Variants in SNTG1 observed in about 807,000 individuals in gnomAD.
The protein encoded by SNTG1 is gamma-1-syntrophin.
In SNTG1, 39 loss-of-function variants were observed where a neutral mutation model predicts 74.7. The observed-to-expected ratio is 0.52, with a 90% CI of 0.40 to 0.68. SNTG1 has a LOEUF of 0.68. SNTG1 is among the 30% of genes least tolerant of loss of function. The pLI is 0.00. For missense variants in SNTG1, 685 were observed against 609.5 expected (o/e 1.12, Z -1.30); for synonymous variants, 254 against 217.1 (o/e 1.17, Z -1.49).
intron 2 of SNTG1, among the ~76,000 whole-genome samples, chr8:50,214,398 T>C (rs1305157782): frequency 6.6e-6 from 1 of 151,014 alleles, no homozygotes; most frequent in African/African-American, 2.4e-5. Flanking sequence ...CCCTAAAACC[T>C]AAAGTATAAT....
At chr8:50,400,935 T>C (rs1298316693) in intron 3 of SNTG1, among the ~76,000 whole-genome samples, 1 of 152,116 alleles carries the variant, frequency 6.6e-6, no homozygotes, top group East Asian at 1.9e-4. Flanking sequence ...CACAAATAGC[T>C]GGAAGAGAGG....
intron 1 of SNTG1, among the ~76,000 whole-genome samples, chr8:50,102,677 G>A (rs1358716029): frequency 1.3e-5 from 2 of 150,274 alleles, no homozygotes; most frequent in African/African-American, 2.5e-5. Flanking sequence ...TTTTTCTAGG[G>A]TTTTTATGGT....
At chr8:50,544,185 TTTAAG>T (rs1421794873) in intron 11 of SNTG1, among the ~76,000 whole-genome samples, 2 of 152,198 alleles carry the variant, frequency 1.3e-5, no homozygotes, top group East Asian at 1.9e-4. Context: ...TTTGTTATCA[TTTAAG>T]TTATCGCCTA....
At chr8:50,676,868 C>A (rs2095311598) in intron 15 of SNTG1, among the ~76,000 whole-genome samples, 1 of 151,718 alleles carries the variant, frequency 6.6e-6, no homozygotes, top group Admixed American at 6.6e-5. Context: ...TTATTTAGGT[C>A]AAATAAGTAT....
intron 13 of SNTG1, among the ~76,000 whole-genome samples, chr8:50,596,505 G>A (rs1469906359): frequency 6.6e-6 from 1 of 151,850 alleles, no homozygotes; most frequent in Non-Finnish European, 1.5e-5. Flanking sequence ...TTTTTAAGGG[G>A]AGGTACAATA....
At chr8:49,970,882 C>G (rs1811600272) in intron 1 of SNTG1, among the ~76,000 whole-genome samples, 1 of 152,166 alleles carries the variant, frequency 6.6e-6, no homozygotes, top group South Asian at 2.1e-4. Context: ...GCACACAGGA[C>G]TCAACTCCCA....
chr8:50,317,779 C>T (rs13251725), intron 2 of SNTG1, among the ~76,000 whole-genome samples: 72,069 of 152,074 alleles, frequency 0.47, 19,500 homozygotes, highest in East Asian at 0.83. Context: ...AACATATTTA[C>T]CTTTCAAAAT....
At chr8:50,489,825 T>C (rs1293083683) in intron 8 of SNTG1, among the ~76,000 whole-genome samples, 1 of 152,260 alleles carries the variant, frequency 6.6e-6, no homozygotes, top group Non-Finnish European at 1.5e-5. Flanking sequence ...TTTGGTGTTT[T>C]AGTCATGAAG....
At chr8:50,473,183 T>C (rs1039045319) in intron 8 of SNTG1, among the ~76,000 whole-genome samples, 1 of 152,132 alleles carries the variant, frequency 6.6e-6, no homozygotes, top group African/African-American at 2.4e-5. Context: ...CTGCTCATGA[T>C]AGTGAGTGAG....
At chr8:50,423,606 A>T (rs774100163) in intron 4 of SNTG1, among the ~76,000 whole-genome samples, 3 of 152,246 alleles carry the variant, frequency 2.0e-5, no homozygotes, top group Admixed American at 1.3e-4. Context: ...TGACAGAGAG[A>T]TATTGTGGAT....
chr8:50,096,506 T>C (rs1463642088), intron 1 of SNTG1, among the ~76,000 whole-genome samples: 1 of 152,162 alleles, frequency 6.6e-6, no homozygotes, highest in African/African-American at 2.4e-5. Context: ...TTTCCTTGAG[T>C]TCACAATACA....
At chr8:50,450,856 C>A in intron 8 of SNTG1, 127 bp downstream of exon 8, 4 of 917,584 alleles carry the variant, frequency 4.4e-6, no homozygotes, top group Non-Finnish European at 4.8e-6. Context: ...ATCAAATTTT[C>A]AAATGTTCTC....
intron 1 of SNTG1, among the ~76,000 whole-genome samples, chr8:50,127,866 T>C (rs1343080971): frequency 6.6e-6 from 1 of 152,170 alleles, no homozygotes; most frequent in East Asian, 1.9e-4. Context: ...TGTTTTGTTT[T>C]TCTGACTGTG....
intron 1 of SNTG1, among the ~76,000 whole-genome samples, chr8:49,988,636 G>A (rs1813396081): frequency 6.6e-6 from 1 of 151,984 alleles, no homozygotes; most frequent in Non-Finnish European, 1.5e-5. Flanking sequence ...CAGAGAAAAA[G>A]AAACAAAGAA....
At chr8:50,777,153 T>A (rs900051991) in intron 18 of SNTG1, among the ~76,000 whole-genome samples, 2 of 150,420 alleles carry the variant, frequency 1.3e-5, no homozygotes, top group Non-Finnish European at 3.0e-5. Context: ...CGCTATTACG[T>A]CTTTCAATAT....
chr8:50,531,036 T>C (rs1320515747), intron 10 of SNTG1, among the ~76,000 whole-genome samples: 11 of 152,184 alleles, frequency 7.2e-5, no homozygotes, highest in Non-Finnish European at 1.3e-4. Context: ...ACATACGTCA[T>C]ATAGCTTCTT....
In SNTG1 at chr8:50,510,376, CT is replaced by C. The variant is rs556600498; in HGVS notation, c.466+7503del. On this transcript the variant is annotated intron_variant, in intron 9 of 18. Transcript: ENST00000642720. ...ATGAGGGATATTGGTCTTAAATTGT[CT>C]TTTTTTGTCGTGTCTCTGCCAGCCT... is the stretch of plus-strand genomic sequence containing the variant. Among the ~76,000 whole-genome samples, 227 of 152,120 alleles carry C rather than the reference CT, an allele frequency of 1.5e-3. 1 individual carries two copies. The highest frequency in any genetic ancestry group is 5.3e-3 in the African/African-American group (218 of 41,506).
chr8:49,967,602 A>T (rs1394298638), intron 1 of SNTG1, among the ~76,000 whole-genome samples: 1 of 151,230 alleles, frequency 6.6e-6, no homozygotes, highest in Non-Finnish European at 1.5e-5. Context: ...CAGGAAAAAA[A>T]GTTCAGTAAA....
intron 1 of SNTG1, among the ~76,000 whole-genome samples, chr8:50,120,943 C>T (rs1443934143): frequency 7.1e-6 from 1 of 141,796 alleles, no homozygotes; most frequent in Non-Finnish European, 1.6e-5. Context: ...GCCATAACTT[C>T]GCATAAACGT....
Sources: gnomAD v4.1 joint callset for allele counts (sites outside exome capture counted in the v4.1 genomes callset) on GRCh38, gnomAD v4.1.1 for gene constraint, MANE v1.5 for transcripts, NCBI Gene and HGNC (gene_info 2026-07-23, HGNC 2026-07-21) for gene names.